Variants in RNF182 observed in about 807,000 individuals in gnomAD.
RNF182 encodes the protein E3 ubiquitin-protein ligase RNF182.
RNF182 carries 15 observed loss-of-function variants against 14.4 expected under a neutral mutation model. The observed-to-expected ratio is 1.04, with a 90% CI of 0.70 to 1.60. The LOEUF is 1.60. Ranked by LOEUF, RNF182 falls within the 40% of genes most tolerant of loss-of-function variation. The probability of loss-of-function intolerance (pLI) is 0.00; values close to 1 mark genes in which losing one functional copy is unlikely to be tolerated. For synonymous variants in RNF182, 128 were observed against 122.9 expected, an observed-to-expected ratio of 1.04 and a Z score of -0.27; for missense variants, 268 against 294.8, an observed-to-expected ratio of 0.91 and a Z score of 0.67.
chr6:13,977,944 A>T lies in RNF182; in HGVS notation c.*81A>T. ...GATAATTTATAATTTATTTTCTTTT[A>T]TGTTCTTTATGATTAGTATCCATGA... On this transcript the variant is annotated 3_prime_UTR_variant, in exon 3 of 3. Coordinates refer to ENST00000488300, the MANE Select transcript of RNF182 (RefSeq NM_152737.4). 7.2e-7 allele frequency: 1 copy of T among 1,386,204 alleles called. No individual in the cohort carries two copies. The highest frequency in any genetic ancestry group is 2.3e-5 in the Admixed American group (1 of 43,748). 85.9% of individuals were successfully genotyped at this position (1,386,204 alleles called of 1,614,324 possible).
At chr6:13,952,892 C>T (rs773562574) in intron 1 of RNF182, among the ~76,000 whole-genome samples, 5 of 152,128 alleles carry the variant, frequency 3.3e-5, no homozygotes, top group South Asian at 2.1e-4. Flanking sequence ...AGCAAAAAGT[C>T]GTAGGGAGAT....
intron 1 of RNF182, chr6:13,949,280 A>G: frequency 1.3e-6 from 1 of 780,104 alleles, no homozygotes; most frequent in Admixed American, 1.7e-5. Flanking sequence ...CAGACTTACC[A>G]CATCTGTCAG....
chr6:13,966,317 T>G (rs1760027012), intron 1 of RNF182, among the ~76,000 whole-genome samples: 1 of 152,120 alleles, frequency 6.6e-6, no homozygotes, highest in African/African-American at 2.4e-5. Flanking sequence ...AGGAGGGAAA[T>G]ATTTGGAATT....
At chr6:13,931,859 A>G (rs1161475703) in intron 1 of RNF182, among the ~76,000 whole-genome samples, 1 of 152,132 alleles carries the variant, frequency 6.6e-6, no homozygotes, top group Admixed American at 6.5e-5. Context: ...ATTAGGAGGT[A>G]GGGCCTTTGG....
chr6:13,964,142 A>G (rs1042253431), intron 1 of RNF182, among the ~76,000 whole-genome samples: 1 of 152,190 alleles, frequency 6.6e-6, no homozygotes, highest in African/African-American at 2.4e-5. Flanking sequence ...TCTTTGAATT[A>G]AAAGGTAGAA....
chr6:13,970,819 T>C (rs1405789635), intron 1 of RNF182, among the ~76,000 whole-genome samples: 1 of 152,174 alleles, frequency 6.6e-6, no homozygotes, highest in Non-Finnish European at 1.5e-5. Context: ...AGTAAGTTGA[T>C]CCAAAATACG....
chr6:13,954,849 G>A (rs1490139816), intron 1 of RNF182, among the ~76,000 whole-genome samples: 3 of 152,106 alleles, frequency 2.0e-5, no homozygotes, highest in African/African-American at 7.2e-5. Flanking sequence ...GAGAACCTGA[G>A]GTTTGATCAT....
intron 1 of RNF182, among the ~76,000 whole-genome samples, chr6:13,931,543 G>C (rs1416703487): frequency 2.0e-5 from 3 of 152,042 alleles, no homozygotes; most frequent in Non-Finnish European, 4.4e-5. Context: ...TACTTTCCTT[G>C]ATAACTCCTG....
chr6:13,945,767 C>T (rs1446940588), intron 1 of RNF182, among the ~76,000 whole-genome samples: 2 of 152,090 alleles, frequency 1.3e-5, no homozygotes, highest in Non-Finnish European at 2.9e-5. Context: ...GACAGTTTTC[C>T]TCTGCCTTTT....
chr6:13,934,253 A>G (rs1759048507), intron 1 of RNF182, among the ~76,000 whole-genome samples: 1 of 151,970 alleles, frequency 6.6e-6, no homozygotes, highest in South Asian at 2.1e-4. Flanking sequence ...ATTCAGAGTC[A>G]CTCCTCACCC....
intron 1 of RNF182, among the ~76,000 whole-genome samples, chr6:13,945,723 A>C (rs1453262860): frequency 6.6e-6 from 1 of 152,172 alleles, no homozygotes; most frequent in Non-Finnish European, 1.5e-5. Flanking sequence ...TTCCCTTGTT[A>C]TATTCCATTA....
chr6:13,965,743 C>T (rs779938553), intron 1 of RNF182, among the ~76,000 whole-genome samples: 16 of 152,194 alleles, frequency 1.1e-4, no homozygotes, highest in Admixed American at 8.5e-4. Flanking sequence ...AAGCCAATCA[C>T]GAGACGATGA....
At position 13,949,396 on chromosome 6, in the gene RNF182, A is replaced by G; in HGVS notation, c.-367+24373A>G. 5.3e-6 allele frequency: 4 copies of G among 749,580 alleles called. No homozygotes were observed. In the South Asian group the frequency reaches 5.6e-5, roughly 11 times the overall value. 46.4% of individuals were successfully genotyped at this position (749,580 alleles called of 1,614,324 possible). A position where few individuals can be genotyped will look rare whatever the true frequency, so the allele number is the denominator to read the frequency against. On this transcript the variant is annotated intron_variant, in intron 1 of 2. Coordinates refer to ENST00000488300, the MANE Select transcript of RNF182 (RefSeq NM_152737.4). ...GATCTCTAACATTCATTTGTACACAAAAAGGCAAGAGAAAGACTGTGAAAG... is the reference window on the plus strand; with the variant it reads ...GATCTCTAACATTCATTTGTACACAGAAAGGCAAGAGAAAGACTGTGAAAG...
intron 1 of RNF182, among the ~76,000 whole-genome samples, chr6:13,971,658 T>C (rs2210081): frequency 0.35 from 52,812 of 151,960 alleles, 9,540 homozygotes; most frequent in East Asian, 0.44. Context: ...GACAGAAAGA[T>C]GTGGGGAAGT....
At chr6:13,929,494 A>G (rs1278985573) in intron 1 of RNF182, among the ~76,000 whole-genome samples, 1 of 152,142 alleles carries the variant, frequency 6.6e-6, no homozygotes, top group Non-Finnish European at 1.5e-5. Context: ...TTCTTCCTGT[A>G]TATTGGTTTA....
At chr6:13,954,017 T>C (rs1759666951) in intron 1 of RNF182, among the ~76,000 whole-genome samples, 1 of 152,242 alleles carries the variant, frequency 6.6e-6, no homozygotes, top group Non-Finnish European at 1.5e-5. Context: ...TTTATCTTTT[T>C]ATTATGGAAA....
chr6:13,936,240 GC>G (rs1452282350), intron 1 of RNF182, among the ~76,000 whole-genome samples: 1 of 152,168 alleles, frequency 6.6e-6, no homozygotes, highest in Non-Finnish European at 1.5e-5. Context: ...GGGACACAGA[GC>G]CAAACCATAT....
At chr6:13,959,303 G>A (rs1278705148) in intron 1 of RNF182, among the ~76,000 whole-genome samples, 2 of 152,120 alleles carry the variant, frequency 1.3e-5, no homozygotes, top group Admixed American at 6.6e-5. Flanking sequence ...AGGCCAGGGC[G>A]GCAGGAAAAC....
At chr6:13,944,365 C>T (rs1051710691) in intron 1 of RNF182, among the ~76,000 whole-genome samples, 6 of 152,138 alleles carry the variant, frequency 3.9e-5, no homozygotes, top group African/African-American at 1.4e-4. Context: ...ATCCTAGGGA[C>T]ATGGCCTTGG....
Sources: gnomAD v4.1 joint callset for allele counts (sites outside exome capture counted in the v4.1 genomes callset) on GRCh38, gnomAD v4.1.1 for gene constraint, MANE v1.5 for transcripts, NCBI Gene and HGNC (gene_info 2026-07-23, HGNC 2026-07-21) for gene names.